Variants in KCNQ1OT1 observed in about 807,000 individuals in gnomAD.
KCNQ1OT1 encodes the protein KCNQ1 opposite strand/antisense transcript 1, also known as KCNQ1 antisense RNA 2 (non-protein coding).
chr11:2,644,973 A>G lies in KCNQ1OT1; in HGVS notation n.55022T>C, dbSNP rs189933282. 3.1e-4 allele frequency: 125 copies of G among 398,590 alleles called. No individual in the cohort carries two copies. Among genetic ancestry groups the G allele is most frequent in the East Asian group, 7.1e-4 (20 of 28,076 alleles). 24.7% of individuals were successfully genotyped at this position (398,590 alleles called of 1,614,324 possible). On this transcript the variant is annotated non_coding_transcript_exon_variant, in exon 1 of 1. Coordinates refer to ENST00000597346, the Ensembl canonical transcript of KCNQ1OT1. Reference sequence around the variant, plus strand: ...CCCCGAATGCTTATCCTTGGGCCCAATGGTAGTGTATGCTGGTACCAGTGT... The same window carrying G: ...CCCCGAATGCTTATCCTTGGGCCCAGTGGTAGTGTATGCTGGTACCAGTGT...
At chr11:2,689,140 A>G (rs887568157) in exon 1 of KCNQ1OT1, 2 of 398,592 alleles carry the variant, frequency 5.0e-6, no homozygotes, top group Admixed American at 4.4e-5. Context: ...TGAGACCCTA[A>G]GGAGAGCTAC....
rs776452941 is a variant in KCNQ1OT1 at position 2,652,027 on chromosome 11, C to A, written n.47968G>T. 4 of 398,550 alleles carry A rather than the reference C, an allele frequency of 1.0e-5. No homozygotes were observed. In the East Asian group the frequency reaches 1.1e-4, roughly 11 times the overall value. 24.7% of individuals were successfully genotyped at this position (398,550 alleles called of 1,614,324 possible). A position where few individuals can be genotyped will look rare whatever the true frequency, so the allele number is the denominator to read the frequency against. Reference sequence around the variant, plus strand: ...ATAATTTTGATGTTGAGCCTCCCCCCAGTTCTGGGGTGGCTCTGACTGTGT... The same window carrying A: ...ATAATTTTGATGTTGAGCCTCCCCCAAGTTCTGGGGTGGCTCTGACTGTGT... On this transcript the variant is annotated non_coding_transcript_exon_variant, in exon 1 of 1. Transcript: ENST00000597346. This position sits in a 1 kb window ranked among gnomAD's most constrained non-coding sequence, Gnocchi z 5.9.
At position 2,658,958 on chromosome 11, in the gene KCNQ1OT1, C is replaced by T. The variant is rs1370116778; in HGVS notation, n.41037G>A. The T allele has an allele frequency of 2.5e-6, 1 of 398,442 alleles. No individual in the cohort carries two copies. The highest frequency in any genetic ancestry group is 3.6e-5 in the East Asian group (1 of 28,078). 24.7% of individuals were successfully genotyped at this position (398,442 alleles called of 1,614,324 possible). Reference sequence around the variant, plus strand: ...TTAGAGTGTTTAGGACAGACTTTTGCTTTAACCATAGAGTGTCCAGTCAAA... The same window carrying T: ...TTAGAGTGTTTAGGACAGACTTTTGTTTTAACCATAGAGTGTCCAGTCAAA... On this transcript the variant is annotated non_coding_transcript_exon_variant, in exon 1 of 1. Coordinates refer to ENST00000597346, the Ensembl canonical transcript of KCNQ1OT1. This position sits in a 1 kb window ranked among gnomAD's most constrained non-coding sequence, Gnocchi z 4.9.
exon 1 of KCNQ1OT1, chr11:2,655,742 A>G (rs1849835672): frequency 3.0e-6 from 1 of 332,228 alleles, no homozygotes; most frequent in Non-Finnish European, 5.3e-6. Flanking sequence ...ACCACAGGTG[A>G]AAACAGGGAA....
rs1850336582 is a variant in KCNQ1OT1 at position 2,678,735 on chromosome 11, TAGAC to T, written n.21256_21259del. On this transcript the variant is annotated non_coding_transcript_exon_variant, in exon 1 of 1. Transcript: ENST00000597346. The surrounding 1 kb of genome is among the most constrained non-coding windows in gnomAD (Gnocchi z 4.9). ...TTAAACACAGGATTAGCTCTTGAGT[TAGAC>T]AGGAAGCTGGGGTGTTTGGGACTGA... The T allele has an allele frequency of 5.0e-6, 2 of 398,488 alleles. No homozygotes were observed. The highest frequency in any genetic ancestry group is 8.8e-5 in the Admixed American group (2 of 22,708). 24.7% of individuals were successfully genotyped at this position (398,488 alleles called of 1,614,324 possible). A position where few individuals can be genotyped will look rare whatever the true frequency, so the allele number is the denominator to read the frequency against.
rs1179400164 is a variant in KCNQ1OT1 at position 2,670,061 on chromosome 11, T to C, written n.29934A>G. The C allele has an allele frequency of 2.5e-6, 1 of 398,502 alleles. No homozygotes were observed. The highest frequency in any genetic ancestry group is 4.4e-6 in the Non-Finnish European group (1 of 226,108). The allele number at this position is 398,502 out of a possible 1,614,324, so 24.7% of individuals were successfully genotyped here. On this transcript the variant is annotated non_coding_transcript_exon_variant, in exon 1 of 1. Coordinates refer to ENST00000597346, the Ensembl canonical transcript of KCNQ1OT1. This position sits in a 1 kb window ranked among gnomAD's most constrained non-coding sequence, Gnocchi z 4.9. ...AAACCTAGCACTCACTATTCTGCTC[T>C]GGGGAGGGGGTTGGAGGCAGAATCA...
exon 1 of KCNQ1OT1, chr11:2,630,004 G>C: frequency 2.5e-6 from 1 of 397,094 alleles, no homozygotes; most frequent in African/African-American, 2.1e-5. Context: ...CCTCATCTTA[G>C]AGGAGAGGCA....
In KCNQ1OT1 at chr11:2,671,019, C is replaced by T. The variant is rs231360; in HGVS notation, n.28976G>A. On this transcript the variant is annotated non_coding_transcript_exon_variant, in exon 1 of 1. Coordinates refer to ENST00000597346, the Ensembl canonical transcript of KCNQ1OT1. The surrounding 1 kb of genome is among the most constrained non-coding windows in gnomAD (Gnocchi z 4.7). ...GATATGTGGGCCCTGTTAGGGACAA[C>T]GTAGGTGTCCTGGGCAGGGGCTGTA... The T allele has an allele frequency of 0.47, 188,649 of 398,298 alleles. 50,460 individuals are homozygous for T. The highest frequency in any genetic ancestry group is 0.99 in the East Asian group (27,817 of 28,056). 24.7% of individuals were successfully genotyped at this position (398,298 alleles called of 1,614,324 possible).
At chr11:2,666,604 G>A in exon 1 of KCNQ1OT1, 4 of 398,668 alleles carry the variant, frequency 1.0e-5, no homozygotes, top group Non-Finnish European at 1.8e-5. Context: ...CTGGAAATAA[G>A]GGCAAACGTC....
rs375327398 is a variant in KCNQ1OT1 at position 2,664,088 on chromosome 11, G to C, written n.35907C>G. ...GTGATAAGTGGGCCCAGGCAGGTCA[G>C]AGACTCCAGTCATTACCCAACCAGG... On this transcript the variant is annotated non_coding_transcript_exon_variant, in exon 1 of 1. Transcript: ENST00000597346. This position sits in a 1 kb window ranked among gnomAD's most constrained non-coding sequence, Gnocchi z 5.1. 2.0e-4 allele frequency: 81 copies of C among 398,778 alleles called. No individual in the cohort carries two copies. Among genetic ancestry groups the C allele is most frequent in the African/African-American group, 1.6e-3 (78 of 48,768 alleles). The allele number at this position is 398,778 out of a possible 1,614,324, so 24.7% of individuals were successfully genotyped here. A position where few individuals can be genotyped will look rare whatever the true frequency, so the allele number is the denominator to read the frequency against.
At chr11:2,643,353 A>T (rs1196974222) in exon 1 of KCNQ1OT1, 2 of 398,348 alleles carry the variant, frequency 5.0e-6, no homozygotes, top group Non-Finnish European at 4.4e-6. Context: ...TTGGGTGCAT[A>T]TATGTTTAGA....
rs1196917031 is a variant in KCNQ1OT1 at position 2,683,537 on chromosome 11, A to G, written n.16458T>C. ...TTAGTTCAGAGTAAACATTTCTAAA[A>G]AAGAGGTAGAAGCCCCTACCTACTG... On this transcript the variant is annotated non_coding_transcript_exon_variant, in exon 1 of 1. Coordinates refer to ENST00000597346, the Ensembl canonical transcript of KCNQ1OT1. This position sits in a 1 kb window ranked among gnomAD's most constrained non-coding sequence, Gnocchi z 4.7. 2.5e-6 allele frequency: 1 copy of G among 398,544 alleles called. No individual in the cohort carries two copies. The highest frequency in any genetic ancestry group is 2.1e-5 in the African/African-American group (1 of 48,640). The allele number at this position is 398,544 out of a possible 1,614,324, so 24.7% of individuals were successfully genotyped here. A position where few individuals can be genotyped will look rare whatever the true frequency, so the allele number is the denominator to read the frequency against.
chr11:2,685,106 G>T (rs1476797202), exon 1 of KCNQ1OT1: 11 of 398,518 alleles, frequency 2.8e-5, no homozygotes, highest in Non-Finnish European at 4.0e-5. Context: ...GGCCCTTTTG[G>T]CACGGGGGGT....
exon 1 of KCNQ1OT1, chr11:2,628,324 C>T (rs908446708): frequency 7.5e-6 from 3 of 398,392 alleles, no homozygotes; most frequent in South Asian, 1.3e-4. Flanking sequence ...TTGATAATAG[C>T]GATTCTAACA....
rs138258479 is a variant in KCNQ1OT1, at chr11:2,652,661, G to A, written n.47334C>T. On this transcript the variant is annotated non_coding_transcript_exon_variant, in exon 1 of 1. Coordinates refer to ENST00000597346, the Ensembl canonical transcript of KCNQ1OT1. This position sits in a 1 kb window ranked among gnomAD's most constrained non-coding sequence, Gnocchi z 5.9. ...TGACTTCCTGCAGCATGGAGACCCG[G>A]GTGGGTCGATTTTAGTTGTGTGGGT... The A allele has an allele frequency of 2.3e-5, 9 of 398,768 alleles. No homozygotes were observed. Among genetic ancestry groups the A allele is most frequent in the African/African-American group, 1.8e-4 (9 of 48,730 alleles). 24.7% of individuals were successfully genotyped at this position (398,768 alleles called of 1,614,324 possible).
exon 1 of KCNQ1OT1, chr11:2,685,726 C>A (rs1590031554): frequency 2.5e-6 from 1 of 398,722 alleles, no homozygotes; most frequent in East Asian, 3.6e-5. Context: ...GGTGCTCTGA[C>A]AGTCCGCCGA....
chr11:2,681,488 G>A (rs1258679111), exon 1 of KCNQ1OT1: 3 of 398,294 alleles, frequency 7.5e-6, no homozygotes, highest in African/African-American at 6.2e-5. Context: ...ATGAGAAATG[G>A]GACTTAGTAA....
Position 2,661,134 on chromosome 11 carries a change from G to A in KCNQ1OT1, n.38861C>T. The A allele has an allele frequency of 2.5e-6, 1 of 398,562 alleles. No homozygotes were observed. The highest frequency in any genetic ancestry group is 4.4e-6 in the Non-Finnish European group (1 of 226,058). 24.7% of individuals were successfully genotyped at this position (398,562 alleles called of 1,614,324 possible). A position where few individuals can be genotyped will look rare whatever the true frequency, so the allele number is the denominator to read the frequency against. On this transcript the variant is annotated non_coding_transcript_exon_variant, in exon 1 of 1. Coordinates refer to ENST00000597346, the Ensembl canonical transcript of KCNQ1OT1. This position sits in a 1 kb window ranked among gnomAD's most constrained non-coding sequence, Gnocchi z 5.9. ...ATCTGCTGCTCGGATGAGCAGAGAGGGTGGGCTAGGGATCTAGTTGGCAGT... is the reference window on the plus strand; with the variant it reads ...ATCTGCTGCTCGGATGAGCAGAGAGAGTGGGCTAGGGATCTAGTTGGCAGT...
exon 1 of KCNQ1OT1, chr11:2,699,496 C>G (rs1850738451): frequency 5.6e-6 from 1 of 180,142 alleles, no homozygotes; most frequent in Non-Finnish European, 8.8e-6. Context: ...GGGGAGAGTG[C>G]CGCGCTGAGG....
Sources: allele counts gnomAD v4.1 joint callset, GRCh38; gene constraint gnomAD v4.1.1; non-coding constraint Gnocchi (gnomAD v3.1); transcripts MANE v1.5; gene names NCBI Gene and HGNC (gene_info 2026-07-23, HGNC 2026-07-21).